The following B4GALNT3 variants were observed in gnomAD, a reference collection of about 807,000 sequenced individuals.
B4GALNT3 encodes beta-1,4-N-acetylgalactosaminyltransferase 3.
Under a neutral mutation model 120.2 loss-of-function variants are expected in B4GALNT3, and 86 were observed. The observed-to-expected ratio is 0.72, with a 90% confidence interval of 0.60 to 0.86. The LOEUF is 0.86. Among genes scored for constraint, B4GALNT3 ranks in the 40% least tolerant of loss-of-function variants. The pLI, the probability that B4GALNT3 is intolerant of heterozygous loss-of-function variation, is 0.00. For synonymous variants in B4GALNT3, 518 were observed against 510.4 expected (o/e 1.01, Z -0.20); for missense variants, 1,167 against 1,298.9 (o/e 0.90, Z 1.56).
At chr12:500,414 C>T (rs1362153112) in intron 1 of B4GALNT3, among the ~76,000 whole-genome samples, 1 of 152,120 alleles carries the variant, frequency 6.6e-6, no homozygotes, top group Non-Finnish European at 1.5e-5. Context: ...GGTTCTGATG[C>T]CTTAAATTGT....
chr12:492,385 G>T (rs979759094), intron 1 of B4GALNT3, among the ~76,000 whole-genome samples: 2 of 152,022 alleles, frequency 1.3e-5, no homozygotes, highest in Non-Finnish European at 2.9e-5. Context: ...CCCCCAAAAT[G>T]GAATATTTAG....
chr12:508,226 A>G (rs1327629392), intron 1 of B4GALNT3, among the ~76,000 whole-genome samples: 5 of 152,228 alleles, frequency 3.3e-5, no homozygotes, highest in African/African-American at 1.2e-4. Flanking sequence ...AGATCCTTCA[A>G]GGTGTCTCTG....
chr12:561,452 C>T lies in B4GALNT3; in HGVS notation c.*1C>T. The T allele has an allele frequency of 6.2e-7, 1 of 1,609,876 alleles. No individual in the cohort carries two copies. Among genetic ancestry groups the T allele is most frequent in the Non-Finnish European group, 8.5e-7 (1 of 1,177,924 alleles). ...CCGTCGCCAGATGAAGACGCTGTAG[C>T]CGGAGGGTGTCCGCGGGGCCCAGCA... On this transcript the variant is annotated 3_prime_UTR_variant, in exon 20 of 20. Transcript: ENST00000266383.
chr12:511,910 GACCTTCTTCCACCTTCCACCTTCC>G (rs1373649111), intron 1 of B4GALNT3, among the ~76,000 whole-genome samples: 2 of 49,870 alleles, frequency 4.0e-5, no homozygotes, highest in Admixed American at 5.8e-4. Flanking sequence ...TTCCGCCTTC[GACCTTCTTCCACCTTCCACCTTCC>G]ACCTTCTTCC....
chr12:475,886 G>A (rs1946180015), intron 1 of B4GALNT3, among the ~76,000 whole-genome samples: 1 of 152,186 alleles, frequency 6.6e-6, no homozygotes, highest in Non-Finnish European at 1.5e-5. Flanking sequence ...TGGAATGCTT[G>A]GAAGAGGCAG....
intron 1 of B4GALNT3, among the ~76,000 whole-genome samples, chr12:485,299 G>A (rs2120486550): frequency 6.6e-6 from 1 of 152,320 alleles, no homozygotes; most frequent in East Asian, 1.9e-4. Context: ...TACAGTCCAA[G>A]GGCAGCAAAG....
chr12:502,223 G>A (rs1477016647), intron 1 of B4GALNT3, among the ~76,000 whole-genome samples: 4 of 152,114 alleles, frequency 2.6e-5, no homozygotes, highest in Admixed American at 2.6e-4. Context: ...ATTCCCCCCG[G>A]GCATGGACCC....
chr12:510,351 G>A (rs1386579471), intron 1 of B4GALNT3, among the ~76,000 whole-genome samples: 1 of 152,100 alleles, frequency 6.6e-6, no homozygotes, highest in Non-Finnish European at 1.5e-5. Flanking sequence ...AACTCTTTGA[G>A]GGGGTGTGGC....
rs554359866 is a variant in B4GALNT3 at position 475,693 on chromosome 12, C to T, written c.169+15148C>T. Among the ~76,000 whole-genome samples the T allele has an allele frequency of 5.9e-5, 9 of 152,262 alleles. No homozygotes were observed. In the South Asian group the frequency reaches 1.4e-3, roughly 25 times the overall value. Reference sequence around the variant, plus strand: ...CAATTATTTTAGAACCAGCTGACTTCGTTCTTTCTGGAACTTGTGTTGCAC... The same window carrying T: ...CAATTATTTTAGAACCAGCTGACTTTGTTCTTTCTGGAACTTGTGTTGCAC... On this transcript the variant is annotated intron_variant, in intron 1 of 19. Coordinates refer to ENST00000266383, the MANE Select transcript of B4GALNT3 (RefSeq NM_173593.4).
At chr12:523,291 A>C (rs1186950970) in intron 1 of B4GALNT3, among the ~76,000 whole-genome samples, 2 of 152,302 alleles carry the variant, frequency 1.3e-5, no homozygotes, top group Non-Finnish European at 2.9e-5. Context: ...TCCTTCCTTC[A>C]TTCATTCATT....
intron 4 of B4GALNT3, 23 bp downstream of exon 4, chr12:544,457 G>A (rs370503102): frequency 4.7e-5 from 75 of 1,603,808 alleles, no homozygotes; most frequent in Middle Eastern, 3.3e-4. Context: ...GGGCTGCCTT[G>A]CCCACCTCCC....
At chr12:528,450 T>C (rs1181054898) in intron 1 of B4GALNT3, among the ~76,000 whole-genome samples, 1 of 152,242 alleles carries the variant, frequency 6.6e-6, no homozygotes, top group Non-Finnish European at 1.5e-5. Flanking sequence ...AACAGGCATA[T>C]GTATGTGTAT....
At chr12:489,574 T>C (rs1447038096) in intron 1 of B4GALNT3, among the ~76,000 whole-genome samples, 1 of 152,132 alleles carries the variant, frequency 6.6e-6, no homozygotes, top group African/African-American at 2.4e-5. Flanking sequence ...ATAGAAAGAC[T>C]CATATAGATT....
In B4GALNT3 at chr12:551,069, C is replaced by T. The variant is rs748723319; in HGVS notation, c.1107+38C>T. ...CCTGGGTCATGGAGAGCAGGGCTGG[C>T]AGAGGGATTGCTGCCTGTGACTGGG... On this transcript the variant is annotated intron_variant, in intron 11 of 19. Transcript: ENST00000266383. The T allele has an allele frequency of 4.6e-6, 7 of 1,515,454 alleles. No individual in the cohort carries two copies. In the Admixed American group the frequency reaches 6.8e-5, roughly 15 times the overall value. The allele number at this position is 1,515,454 out of a possible 1,614,324, so 93.9% of individuals were successfully genotyped here.
intron 1 of B4GALNT3, among the ~76,000 whole-genome samples, chr12:525,767 C>A (rs963256892): frequency 2.0e-4 from 31 of 152,300 alleles, no homozygotes; most frequent in African/African-American, 7.5e-4. Flanking sequence ...CTAAACCGTT[C>A]AGAGCATCCA....
chr12:542,157 A>G (rs973813669), intron 3 of B4GALNT3, among the ~76,000 whole-genome samples: 10 of 152,022 alleles, frequency 6.6e-5, no homozygotes, highest in Admixed American at 1.3e-4. Context: ...GCTGCTTCCC[A>G]AGGCCCACAT....
At chr12:470,964 G>A (rs1946130571) in intron 1 of B4GALNT3, among the ~76,000 whole-genome samples, 1 of 151,762 alleles carries the variant, frequency 6.6e-6, no homozygotes, top group African/African-American at 2.4e-5. Flanking sequence ...CCTGACCTCA[G>A]GTGATGCGCC....
intron 1 of B4GALNT3, among the ~76,000 whole-genome samples, chr12:525,250 A>T (rs1489103521): frequency 6.6e-6 from 1 of 152,086 alleles, no homozygotes; most frequent in Non-Finnish European, 1.5e-5. Flanking sequence ...CTGGGATTAC[A>T]GGTAAGCACC....
chr12:545,299 T>C (rs1227660557), intron 5 of B4GALNT3, 70 bp from the exon 6 acceptor site: 1 of 1,539,828 alleles, frequency 6.5e-7, no homozygotes, highest in South Asian at 1.2e-5. Flanking sequence ...GCTAAGACAC[T>C]CACAAAAGCC....
Sources: allele counts gnomAD v4.1 joint callset (sites outside exome capture counted in the v4.1 genomes callset), GRCh38; gene constraint gnomAD v4.1.1; transcripts MANE v1.5; gene names NCBI Gene and HGNC (gene_info 2026-07-23, HGNC 2026-07-21).